ACTN2: variants seen among roughly 807,000 people sequenced by gnomAD.
ACTN2 encodes the protein alpha-actinin-2.
In ACTN2, 39 loss-of-function variants were observed where a neutral mutation model predicts 113.8. The observed-to-expected ratio is 0.34, with a 90% CI of 0.27 to 0.45. ACTN2 has a LOEUF of 0.45. Among genes scored for constraint, ACTN2 ranks in the 20% least tolerant of loss-of-function variants. ACTN2 has a pLI of 1.00. For synonymous variants in ACTN2, 429 were observed against 444.1 expected (o/e 0.97, Z 0.43); for missense variants, 992 against 1,177.9 (o/e 0.84, Z 2.31).
At chr1:236,751,294 C>T (rs558853529) in intron 14 of ACTN2, among the ~76,000 whole-genome samples, 176 bp from the exon 15 acceptor site, 161 of 152,106 alleles carry the variant, frequency 1.1e-3, no homozygotes, top group Non-Finnish European at 1.7e-3. Flanking sequence ...TTCCATTTTC[C>T]AGGAACTTGA....
intron 12 of ACTN2, among the ~76,000 whole-genome samples, chr1:236,746,345 A>G (rs1395535705): frequency 2.0e-5 from 3 of 152,134 alleles, no homozygotes; most frequent in Non-Finnish European, 4.4e-5. Flanking sequence ...TGAATGAAAA[A>G]GGTGATTAAG....
rs1188272893 is a variant in ACTN2, at chr1:236,763,856, T to C, written c.*1237T>C. ...CTTGATCTGTTGAATGTTCATTCTT[T>C]CTTTTTGCTCATACTGCTGTAGGCT... On this transcript the variant is annotated 3_prime_UTR_variant, in exon 21 of 21. Coordinates refer to ENST00000366578, the MANE Select transcript of ACTN2 (RefSeq NM_001103.4). 1.3e-5 allele frequency: 2 copies of C among 152,240 alleles called. No homozygotes were observed. Among genetic ancestry groups the C allele is most frequent in the African/African-American group, 2.4e-5 (1 of 41,460 alleles). The allele number at this position is 152,240 out of a possible 1,614,324, so 9.4% of individuals were successfully genotyped here. A position where few individuals can be genotyped will look rare whatever the true frequency, so the allele number is the denominator to read the frequency against.
At chr1:236,721,216 CG>C (rs761992971) in intron 4 of ACTN2, among the ~76,000 whole-genome samples, 11 of 151,000 alleles carry the variant, frequency 7.3e-5, no homozygotes, top group Non-Finnish European at 1.6e-4. Flanking sequence ...TTAGTAGAGA[CG>C]GGGTTTCACT....
At position 236,739,548 on chromosome 1, in the gene ACTN2, C is replaced by G; in HGVS notation, c.1107+16C>G. On this transcript the variant is annotated intron_variant, in intron 10 of 20. Coordinates refer to ENST00000366578, the MANE Select transcript of ACTN2 (RefSeq NM_001103.4). ...GATGGTGTCGGTGAGTAGCAAGCGC[C>G]AAGCCCTCCTGGCGCCACGGGAAGC... is the stretch of plus-strand genomic sequence containing the variant. The G allele has an allele frequency of 1.2e-6, 2 of 1,613,504 alleles. No homozygotes were observed. The highest frequency in any genetic ancestry group is 1.7e-5 in the Admixed American group (1 of 59,894).
chr1:236,728,280 A>C (rs1658616099), intron 6 of ACTN2, among the ~76,000 whole-genome samples: 1 of 151,698 alleles, frequency 6.6e-6, no homozygotes, highest in African/African-American at 2.4e-5. Context: ...AGTAACTGGG[A>C]CTACAGGCAT....
chr1:236,692,231 A>G (rs1422894496), intron 1 of ACTN2, among the ~76,000 whole-genome samples: 1 of 152,214 alleles, frequency 6.6e-6, no homozygotes, highest in Non-Finnish European at 1.5e-5. Context: ...GTATTAAATA[A>G]CCACATGTTG....
At chr1:236,724,507 C>A (rs575996908) in intron 4 of ACTN2, among the ~76,000 whole-genome samples, 1 of 152,154 alleles carries the variant, frequency 6.6e-6, no homozygotes, top group Non-Finnish European at 1.5e-5. Context: ...ACACCTGGGC[C>A]GAGAAGAGGA....
chr1:236,720,278 C>A, intron 4 of ACTN2, 87 bp downstream of exon 4: 2 of 1,052,964 alleles, frequency 1.9e-6, no homozygotes, highest in African/African-American at 1.6e-5. Flanking sequence ...TAAAGTCCAA[C>A]AGTCACTTAC....
chr1:236,757,731 A>G (rs1046518048), intron 18 of ACTN2, 99 bp downstream of exon 18: 105 of 1,482,460 alleles, frequency 7.1e-5, no homozygotes, highest in Middle Eastern at 3.4e-4. Context: ...AGGCTCCACA[A>G]CATTTACAGG....
chr1:236,707,412 T>A (rs190613400), intron 1 of ACTN2, among the ~76,000 whole-genome samples: 1 of 152,234 alleles, frequency 6.6e-6, no homozygotes, highest in Non-Finnish European at 1.5e-5. Flanking sequence ...ATATCTCCTA[T>A]GCTCAAGTAG....
At chr1:236,712,715 T>C (rs1476994129) in intron 1 of ACTN2, among the ~76,000 whole-genome samples, 3 of 152,018 alleles carry the variant, frequency 2.0e-5, no homozygotes, top group African/African-American at 7.2e-5. Flanking sequence ...CTTTCTGTGG[T>C]TTGGGGTCAG....
chr1:236,749,987 G>A (rs565328961), intron 14 of ACTN2, among the ~76,000 whole-genome samples: 22 of 152,146 alleles, frequency 1.4e-4, no homozygotes, highest in Non-Finnish European at 3.2e-4. Context: ...TTGCCAGATT[G>A]TAAACCATAA....
intron 1 of ACTN2, among the ~76,000 whole-genome samples, chr1:236,710,934 T>C (rs1488594571): frequency 1.3e-5 from 2 of 150,598 alleles, no homozygotes; most frequent in African/African-American, 4.9e-5. Context: ...ACGAAACCGG[T>C]CCCTGGTGCC....
Position 236,717,906 on chromosome 1 carries a change from A to T in ACTN2, c.175A>T (p.Ile59Phe). The stretch of plus-strand genomic sequence containing the variant: ...CCACCTAAGGAAAGCCGGCACCCAG[A>T]TTGAGAACATCGAGGAAGACTTCAG... ...NSHLRKAGTQ[I>F]ENIEEDFRNG... is the part of the protein sequence containing the mutation. The change falls in exon 2 of 21, where the codon ATT (isoleucine) becomes TTT (phenylalanine). Residue 59 changes from isoleucine to phenylalanine, a missense_variant. Coordinates refer to ENST00000366578, the MANE Select transcript of ACTN2 (RefSeq NM_001103.4). The T allele has an allele frequency of 6.2e-7, 1 of 1,614,140 alleles. No individual in the cohort carries two copies. The highest frequency in any genetic ancestry group is 8.5e-7 in the Non-Finnish European group (1 of 1,180,028).
At chr1:236,740,679 C>T (rs975254657) in intron 10 of ACTN2, among the ~76,000 whole-genome samples, 1 of 151,962 alleles carries the variant, frequency 6.6e-6, no homozygotes, top group African/African-American at 2.4e-5. Flanking sequence ...ATTACTGGTG[C>T]CCGCCACCAC....
chr1:236,762,448 T>C lies in ACTN2; in HGVS notation c.2527-13T>C. ...CTGCAACTGACTGCAAACACGTGTG[T>C]ATTTTTTCCCAGCCATACATCCTGG... is the stretch of plus-strand genomic sequence containing the variant. On this transcript the variant is annotated splice_polypyrimidine_tract_variant and intron_variant, in intron 20 of 20. Coordinates refer to ENST00000366578, the MANE Select transcript of ACTN2 (RefSeq NM_001103.4). 1 of 1,614,004 alleles carries C rather than the reference T, an allele frequency of 6.2e-7. No individual in the cohort carries two copies. Among genetic ancestry groups the C allele is most frequent in the Non-Finnish European group, 8.5e-7 (1 of 1,179,942 alleles).
intron 1 of ACTN2, among the ~76,000 whole-genome samples, chr1:236,711,348 CTTTTTAT>C (rs1042020739): frequency 7.2e-5 from 11 of 152,048 alleles, no homozygotes; most frequent in Non-Finnish European, 1.2e-4. Context: ...AGAAACATGT[CTTTTTAT>C]TTTTTATTTT....
At chr1:236,716,588 A>C (rs1658220507) in intron 1 of ACTN2, among the ~76,000 whole-genome samples, 1 of 152,178 alleles carries the variant, frequency 6.6e-6, no homozygotes, top group South Asian at 2.1e-4. Context: ...GCAGGGTTGA[A>C]TATAGTCACC....
In ACTN2 at chr1:236,717,847, T is replaced by G; in HGVS notation, c.127-11T>G. ...GGACCTGTGCTAAACCGTGTTTGGT[T>G]TTCTTTGCAGACCTTCACTGCCTGG... On this transcript the variant is annotated splice_polypyrimidine_tract_variant and intron_variant, in intron 1 of 20. Transcript: ENST00000366578. 2 of 1,603,980 alleles carry G rather than the reference T, an allele frequency of 1.2e-6. No homozygotes were observed. Among genetic ancestry groups the G allele is most frequent in the Non-Finnish European group, 1.7e-6 (2 of 1,170,840 alleles).
Sources: allele counts gnomAD v4.1 joint callset (sites outside exome capture counted in the v4.1 genomes callset), GRCh38; gene constraint gnomAD v4.1.1; transcripts MANE v1.5; gene names NCBI Gene and HGNC (gene_info 2026-07-23, HGNC 2026-07-21).